The following SDK2 variants were observed in gnomAD, a reference collection of about 807,000 sequenced individuals.
SDK2 encodes the protein sidekick cell adhesion molecule 2.
Under a neutral mutation model 253.9 loss-of-function variants are expected in SDK2, and 105 were observed. That is an observed-to-expected ratio of 0.41 (90% CI 0.35 to 0.49). SDK2 has a LOEUF of 0.49. Among genes scored for constraint, SDK2 ranks in the 20% least tolerant of loss-of-function variants. SDK2 has a pLI of 0.06. For missense variants in SDK2, 2,608 were observed against 3,003.0 expected (o/e 0.87, Z 3.07); for synonymous variants, 1,249 against 1,234.9 (o/e 1.01, Z -0.24).
intron 1 of SDK2, among the ~76,000 whole-genome samples, chr17:73,572,822 C>G (rs545991188): frequency 2.6e-5 from 4 of 152,304 alleles, no homozygotes. Context: ...CCATCTACTC[C>G]TCCACCCCAA....
chr17:73,432,768 G>A (rs1039918662), intron 10 of SDK2, among the ~76,000 whole-genome samples: 2 of 85,694 alleles, frequency 2.3e-5, no homozygotes, highest in African/African-American at 3.4e-5. Context: ...GTGTTTGTAC[G>A]TGTGTGTGCA....
At position 73,508,585 on chromosome 17, in the gene SDK2, G is replaced by C. The variant is rs1228597785; in HGVS notation, c.65-988C>G. On this transcript the variant is annotated intron_variant, in intron 1 of 44. Coordinates refer to ENST00000392650, the MANE Select transcript of SDK2 (RefSeq NM_001144952.2). ...CCACAAAGATGACAGCACCTGCTCT[G>C]TTCCGGGCTGTTCTAGGGGCTCTAC... Among the ~76,000 whole-genome samples the C allele has an allele frequency of 2.6e-5, 4 of 152,240 alleles. No individual in the cohort carries two copies. The East Asian group carries it at 7.7e-4, about 29-fold the overall frequency.
rs759143958 is a variant in SDK2 at position 73,394,235 on chromosome 17, G to A, written c.3682C>T (p.Arg1228Cys). The A allele has an allele frequency of 1.3e-6, 2 of 1,592,974 alleles. No homozygotes were observed. The highest frequency in any genetic ancestry group is 2.3e-5 in the East Asian group (1 of 44,332). The change falls in exon 26 of 45, where the codon CGC becomes TGC. Residue 1228 changes from arginine (R) to cysteine (C), a missense_variant. By Grantham distance (180) the Arg-to-Cys change is radical. Around this residue, in one of 2 missense-constraint regions of SDK2, gnomAD observed 1,505 missense variants for 1,859.1 expected, o/e 0.81. Coordinates refer to ENST00000392650, the MANE Select transcript of SDK2 (RefSeq NM_001144952.2). ...VRWSEVPEADRNGLVLGYKVM... is the reference protein window; with the variant it reads ...VRWSEVPEADCNGLVLGYKVM... ...TTATAGCCCAGCACGAGCCCGTTGC[G>A]ATCAGCCTCGGGGACCTCGCTCCAG... is the stretch of plus-strand genomic sequence containing the variant.
At chr17:73,521,391 A>T (rs2064078262) in intron 1 of SDK2, 4 of 152,124 alleles carry the variant, frequency 2.6e-5, no homozygotes, top group Admixed American at 2.0e-4. Flanking sequence ...AAAAAAAAAT[A>T]AAAAACATAC....
At chr17:73,345,638 CAG>C (rs2062476648) in intron 44 of SDK2, among the ~76,000 whole-genome samples, 2 of 152,132 alleles carry the variant, frequency 1.3e-5, no homozygotes, top group Admixed American at 6.5e-5. Flanking sequence ...ACGTACCACA[CAG>C]AGTCTTACCT....
At chr17:73,392,046 GCCTCGTCCCC>G (rs2062932699) in intron 27 of SDK2, among the ~76,000 whole-genome samples, 1 of 152,262 alleles carries the variant, frequency 6.6e-6, no homozygotes, top group East Asian at 1.9e-4. Flanking sequence ...GGCTGCATGG[GCCTCGTCCCC>G]ACATCCACCC....
At chr17:73,490,159 C>A (rs1276983136) in intron 2 of SDK2, among the ~76,000 whole-genome samples, 1 of 152,146 alleles carries the variant, frequency 6.6e-6, no homozygotes, top group Non-Finnish European at 1.5e-5. Flanking sequence ...TTTTTGGCGG[C>A]CTGTCTTGAC....
intron 1 of SDK2, among the ~76,000 whole-genome samples, chr17:73,607,955 GC>G (rs1267916790): frequency 6.6e-6 from 1 of 151,752 alleles, no homozygotes; most frequent in African/African-American, 2.4e-5. Context: ...TCACCCAGTT[GC>G]CCTTTTTGTT....
intron 1 of SDK2, among the ~76,000 whole-genome samples, chr17:73,594,901 C>A (rs988408081): frequency 3.2e-4 from 48 of 151,988 alleles, no homozygotes; most frequent in African/African-American, 1.1e-3. Flanking sequence ...TGCACATATA[C>A]AAATACACAC....
intron 21 of SDK2, 76 bp from the exon 22 acceptor site, chr17:73,399,365 G>C: frequency 6.7e-7 from 1 of 1,483,918 alleles, no homozygotes. Context: ...TGTTGGGCAT[G>C]GAGGGGGCTG....
At chr17:73,349,557 C>T (rs559530103) in intron 43 of SDK2, among the ~76,000 whole-genome samples, 50 of 152,128 alleles carry the variant, frequency 3.3e-4, no homozygotes, top group African/African-American at 1.0e-3. Context: ...ATGGGCAGCC[C>T]GATGGCCACA....
intron 1 of SDK2, among the ~76,000 whole-genome samples, chr17:73,579,147 G>A (rs552958415): frequency 4.6e-5 from 7 of 151,682 alleles, no homozygotes; most frequent in East Asian, 3.9e-4. Context: ...ATTGCTGCAC[G>A]TCTGGCCTGA....
intron 1 of SDK2, among the ~76,000 whole-genome samples, chr17:73,620,503 G>T (rs2046120470): frequency 6.6e-6 from 1 of 152,202 alleles, no homozygotes; most frequent in Non-Finnish European, 1.5e-5. Context: ...ATTACCACAT[G>T]ATTCAATAGT....
chr17:73,414,196 CCT>C (rs1441040247), intron 18 of SDK2, among the ~76,000 whole-genome samples: 19 of 151,852 alleles, frequency 1.3e-4, no homozygotes, highest in African/African-American at 4.6e-4. Context: ...TACAGGCGCC[CCT>C]GCCACCAAGC....
intron 16 of SDK2, 146 bp from the exon 17 acceptor site, chr17:73,416,138 C>T: frequency 1.6e-6 from 1 of 615,868 alleles, no homozygotes. Context: ...AGGGTGCCCG[C>T]CAGCACATGC....
chr17:73,618,689 G>A lies in SDK2; in HGVS notation c.64+25336C>T, dbSNP rs2046090212. 6.6e-6 allele frequency among the ~76,000 whole-genome samples: 1 copy of A among 152,162 alleles called. No individual in the cohort carries two copies. The highest frequency in any genetic ancestry group is 1.5e-5 in the Non-Finnish European group (1 of 68,032). On this transcript the variant is annotated intron_variant, in intron 1 of 44. Transcript: ENST00000392650. This position sits in a 1 kb window ranked among gnomAD's most constrained non-coding sequence, Gnocchi z 4.1. ...CAAGCAAGACTCTTCTACAGGGAAGGTACTTAGACAGGCAACTTCCTATTC... is the reference window on the plus strand; with the variant it reads ...CAAGCAAGACTCTTCTACAGGGAAGATACTTAGACAGGCAACTTCCTATTC...
intron 27 of SDK2, 80 bp downstream of exon 27, chr17:73,393,480 C>T: frequency 1.5e-6 from 2 of 1,351,532 alleles, no homozygotes; most frequent in Non-Finnish European, 2.0e-6. Flanking sequence ...GAGCCTGACC[C>T]CAGAAGGGCA....
intron 18 of SDK2, among the ~76,000 whole-genome samples, chr17:73,405,556 GAGA>G (rs1334271216): frequency 2.2e-5 from 3 of 136,910 alleles, no homozygotes; most frequent in Admixed American, 7.6e-5. Context: ...TCACTTATCT[GAGA>G]AGGAGAGCAT....
Position 73,339,228 on chromosome 17 carries a change from TG to T in SDK2, c.6166-289del, listed in dbSNP as rs1568356251. ...GAAGACCTGAGTTTTTTTTTGTTTT[TG>T]TTTTTGTTTTTTTTTTTTGAGACAG... On this transcript the variant is annotated intron_variant, in intron 44 of 44. Transcript: ENST00000392650. Among the ~76,000 whole-genome samples, 661 of 141,414 alleles carry T rather than the reference TG, an allele frequency of 4.7e-3. 23 individuals carry two copies. Among genetic ancestry groups the T allele is most frequent in the Middle Eastern group, 0.011 (3 of 274 alleles). The allele number at this position is 141,414 out of a possible 152,430, so 92.8% of individuals were successfully genotyped here.
Sources: gnomAD v4.1 joint callset for allele counts (sites outside exome capture counted in the v4.1 genomes callset) on GRCh38, gnomAD v4.1.1 for gene constraint, gnomAD v4.1.1 regional missense constraint, Gnocchi (gnomAD v3.1) non-coding constraint, MANE v1.5 for transcripts, NCBI Gene and HGNC (gene_info 2026-07-23, HGNC 2026-07-21) for gene names.